Variants in PGLS observed in about 807,000 individuals in gnomAD.
PGLS encodes the protein epididymis secretory protein Li 304.
Under a neutral mutation model 23.2 loss-of-function variants are expected in PGLS, and 21 were observed. The ratio of observed to expected loss-of-function variants is 0.91; its 90% CI spans 0.64 to 1.31. PGLS has a LOEUF of 1.31. Among genes scored for constraint, PGLS ranks in the 50% most tolerant of loss-of-function variants. The pLI is 0.00. For missense variants in PGLS, 410 were observed against 354.0 expected (o/e 1.16, Z -1.27); for synonymous variants, 179 against 165.4 (o/e 1.08, Z -0.63).
intron 1 of PGLS, 173 bp downstream of exon 1, chr19:17,512,133 C>T (rs1381517267): frequency 1.6e-5 from 11 of 704,018 alleles, no homozygotes; most frequent in Non-Finnish European, 2.2e-5. Context: ...ACTGCCTGCA[C>T]CTCGGCTACG....
chr19:17,511,667 CT>C lies in PGLS; in HGVS notation c.-5del. 6.8e-7 allele frequency: 1 copy of C among 1,477,248 alleles called. No individual in the cohort carries two copies. The highest frequency in any genetic ancestry group is 8.9e-7 in the Non-Finnish European group (1 of 1,123,272). The allele number at this position is 1,477,248 out of a possible 1,614,324, so 91.5% of individuals were successfully genotyped here. A position where few individuals can be genotyped will look rare whatever the true frequency, so the allele number is the denominator to read the frequency against. ...GCGCTTCCTCCTCCCCGCCGCCGCC[CT>C]CGCCATGGCCGCGCCGGCCCCGGGC... On this transcript the variant is annotated 5_prime_UTR_variant, in exon 1 of 5. Transcript: ENST00000252603.
At chr19:17,516,658 C>T (rs909720345) in intron 2 of PGLS, among the ~76,000 whole-genome samples, 4 of 151,666 alleles carry the variant, frequency 2.6e-5, no homozygotes, top group African/African-American at 9.7e-5. Flanking sequence ...GATCATGGCT[C>T]ACTGCAAGCT....
In PGLS at chr19:17,513,832, T is replaced by G. The variant is rs75664063; in HGVS notation, c.288+1872T>G. On this transcript the variant is annotated intron_variant, in intron 1 of 4. Transcript: ENST00000252603. Reference sequence around the variant, plus strand: ...GACTCTGTCTCAAAATAAATAATTGTGAAATGCTGCAGAGTGCTAGGGAAT... The same window carrying G: ...GACTCTGTCTCAAAATAAATAATTGGGAAATGCTGCAGAGTGCTAGGGAAT... Among the ~76,000 whole-genome samples, 1,036 of 152,112 alleles carry G rather than the reference T, an allele frequency of 6.8e-3. 10 individuals carry two copies. The highest frequency in any genetic ancestry group is 0.023 in the African/African-American group (966 of 41,520).
At chr19:17,512,896 A>G (rs1424964802) in intron 1 of PGLS, 1 of 152,216 alleles carries the variant, frequency 6.6e-6, no homozygotes, top group African/African-American at 2.4e-5. Context: ...ATATGCATCA[A>G]TTCATGAGTC....
At position 17,521,060 on chromosome 19, in the gene PGLS, C is replaced by T. The variant is rs904954118; in HGVS notation, c.756C>T (p.Phe252=). The T allele has an allele frequency of 5.0e-6, 8 of 1,602,096 alleles. 1 individual carries two copies. The highest frequency in any genetic ancestry group is 1.7e-5 in the Admixed American group (1 of 59,326). ...CCGCCCGCCTCCTGACCGTGCCCTT[C>T]GAGAAGCATTCCACTTTGTAGCTGG... ...EAAARLLTVP[F]EKHSTL is the part of the protein sequence containing the mutation. Residue 252 remains phenylalanine, a synonymous_variant, in exon 5 of 5, where the codon TTC becomes TTT. Coordinates refer to ENST00000252603, the MANE Select transcript of PGLS (RefSeq NM_012088.3).
In PGLS at chr19:17,521,224, A is replaced by G. The variant is rs2144647857; in HGVS notation, c.*143A>G. On this transcript the variant is annotated 3_prime_UTR_variant, in exon 5 of 5. Coordinates refer to ENST00000252603, the MANE Select transcript of PGLS (RefSeq NM_012088.3). ...CCAACAGCCTCCGGCCAGCAGCCCT[A>G]CCCGGGGCTCAACACACAGGCTGTG... 3.8e-6 allele frequency: 3 copies of G among 792,970 alleles called. No homozygotes were observed. The highest frequency in any genetic ancestry group is 3.8e-5 in the South Asian group (2 of 52,892). 49.1% of individuals were successfully genotyped at this position (792,970 alleles called of 1,614,324 possible). A position where few individuals can be genotyped will look rare whatever the true frequency, so the allele number is the denominator to read the frequency against.
In PGLS at chr19:17,517,745, C is replaced by T; in HGVS notation, c.534C>T (p.Ser178=). 3 of 1,614,138 alleles carry T rather than the reference C, an allele frequency of 1.9e-6. No individual in the cohort carries two copies. The highest frequency in any genetic ancestry group is 2.5e-6 in the Non-Finnish European group (3 of 1,180,034). ...AGATTGTGGCTCCCATCAGTGACTC[C>T]CCGAAGCCACCGCCACAGCGTGTGA... ...REKIVAPISD[S]PKPPPQRVTL... The change falls in exon 4 of 5, where the codon TCC becomes TCT. Residue 178 remains serine, a synonymous_variant. Transcript: ENST00000252603.
chr19:17,521,059 T>G lies in PGLS; in HGVS notation c.755T>G (p.Phe252Cys). Residue 252 changes from phenylalanine to cysteine, a missense_variant, in exon 5 of 5, where the codon TTC becomes TGC. Physicochemically the swap from Phe to Cys is radical, Grantham distance 205. Transcript: ENST00000252603. Reference protein sequence around the residue: ...EAAARLLTVPFEKHSTL With the variant: ...EAAARLLTVPCEKHSTL ...GCCGCCCGCCTCCTGACCGTGCCCT[T>G]CGAGAAGCATTCCACTTTGTAGCTG... The G allele has an allele frequency of 6.2e-7, 1 of 1,602,140 alleles. No homozygotes were observed. Among genetic ancestry groups the G allele is most frequent in the Non-Finnish European group, 8.5e-7 (1 of 1,173,534 alleles).
chr19:17,520,959 C>G lies in PGLS; in HGVS notation c.655C>G (p.Gln219Glu). The G allele has an allele frequency of 1.3e-6, 2 of 1,597,956 alleles. No homozygotes were observed. The highest frequency in any genetic ancestry group is 1.7e-6 in the Non-Finnish European group (2 of 1,171,770). The change falls in exon 5 of 5, where the codon CAG (glutamine) becomes GAG (glutamate). Residue 219 changes from glutamine to glutamate, a missense_variant. Coordinates refer to ENST00000252603, the MANE Select transcript of PGLS (RefSeq NM_012088.3). Reference sequence around the variant, plus strand: ...TCTTCTTCAGCGCATTTTGGAGGACCAGGAGGAAAACCCGCTGCCCGCCGC... The same window carrying G: ...TCTTCTTCAGCGCATTTTGGAGGACGAGGAGGAAAACCCGCTGCCCGCCGC... ...AAVLKRILED[Q>E]EENPLPAALV...
intron 1 of PGLS, chr19:17,512,213 G>A (rs1169344873): frequency 6.0e-6 from 3 of 503,268 alleles, no homozygotes; most frequent in Admixed American, 4.0e-5. Flanking sequence ...GCCACTGGGG[G>A]TCATGCCGAG....
rs372031792 is a variant in PGLS, at chr19:17,516,718, G to A, written c.396+438G>A. Among the ~76,000 whole-genome samples the A allele has an allele frequency of 9.2e-5, 14 of 151,416 alleles. No individual in the cohort carries two copies. The East Asian group carries it at 9.8e-4, about 11-fold the overall frequency. ...TCCTGCCTCAGCCTCCTGAGTAGCT[G>A]GGACTACGGGTGCCCGCCACCACGC... On this transcript the variant is annotated intron_variant, in intron 2 of 4. Transcript: ENST00000252603.
intron 4 of PGLS, among the ~76,000 whole-genome samples, chr19:17,520,022 A>G (rs1441339451): frequency 2.6e-5 from 4 of 152,146 alleles, no homozygotes; most frequent in Admixed American, 2.6e-4. Flanking sequence ...GCACAGTGCC[A>G]TGTGCCTGTG....
At position 17,516,300 on chromosome 19, in the gene PGLS, C is replaced by T. The variant is rs772597098; in HGVS notation, c.396+20C>T. 8.7e-6 allele frequency: 14 copies of T among 1,608,064 alleles called. No homozygotes were observed. Among genetic ancestry groups the T allele is most frequent in the South Asian group, 4.4e-5 (4 of 90,238 alleles). On this transcript the variant is annotated intron_variant, in intron 2 of 4. Coordinates refer to ENST00000252603, the MANE Select transcript of PGLS (RefSeq NM_012088.3). ...AGACAGGTGAGCCCCGAGGAGCGGCCGCAAGGGAGTCACATCCACGAAGCG... is the reference window on the plus strand; with the variant it reads ...AGACAGGTGAGCCCCGAGGAGCGGCTGCAAGGGAGTCACATCCACGAAGCG...
At chr19:17,514,762 C>T (rs1023525166) in intron 1 of PGLS, among the ~76,000 whole-genome samples, 4 of 152,132 alleles carry the variant, frequency 2.6e-5, no homozygotes, top group Non-Finnish European at 5.9e-5. Flanking sequence ...AAGTGATTCT[C>T]CTGCCTCAGC....
At chr19:17,518,009 G>GAA (rs67260410) in intron 4 of PGLS, among the ~76,000 whole-genome samples, 159 bp downstream of exon 4, 1 of 136,146 alleles carries the variant, frequency 7.3e-6, no homozygotes, top group Non-Finnish European at 1.6e-5. Context: ...AGAAAAAAAG[G>GAA]AAAAAAAAAA....
rs1000048095 is a variant in PGLS at position 17,511,895 on chromosome 19, C to T, written c.223C>T (p.Leu75=). Residue 75 remains leucine, a synonymous_variant, in exon 1 of 5, where the codon CTG becomes TTG. Transcript: ENST00000252603. The part of the protein sequence containing the change: ...AGPASLARWT[L]GFCDERLVPF... Reference sequence around the variant, plus strand: ...GCCAGCTAGCTTAGCGCGCTGGACGCTGGGCTTCTGCGACGAGCGCCTCGT... The same window carrying T: ...GCCAGCTAGCTTAGCGCGCTGGACGTTGGGCTTCTGCGACGAGCGCCTCGT... The T allele has an allele frequency of 5.8e-6, 9 of 1,543,462 alleles. No individual in the cohort carries two copies. Among genetic ancestry groups the T allele is most frequent in the Middle Eastern group, 2.0e-4 (1 of 5,026 alleles).
At position 17,517,362 on chromosome 19, in the gene PGLS, A is replaced by G. The variant is rs766378553; in HGVS notation, c.471A>G (p.Ser157=). The change falls in exon 3 of 5, where the codon TCA becomes TCG. Residue 157 remains serine, a synonymous_variant. Coordinates refer to ENST00000252603, the MANE Select transcript of PGLS (RefSeq NM_012088.3). ...LGVGPDGHTC[S]LFPDHPLLQE... ...TGGGCCCCGATGGTCACACCTGCTC[A>G]CTCTTCCCAGACCACCCCCTCCTAC... The G allele has an allele frequency of 6.2e-7, 1 of 1,612,960 alleles. No homozygotes were observed. Among genetic ancestry groups the G allele is most frequent in the Non-Finnish European group, 8.5e-7 (1 of 1,179,600 alleles).
chr19:17,519,700 C>T (rs947158893), intron 4 of PGLS, among the ~76,000 whole-genome samples: 2 of 152,118 alleles, frequency 1.3e-5, no homozygotes, highest in African/African-American at 4.8e-5. Flanking sequence ...GCACCCGGCC[C>T]AGAAAAGTTT....
At chr19:17,512,067 C>A in intron 1 of PGLS, 107 bp downstream of exon 1, 1 of 1,179,846 alleles carries the variant, frequency 8.5e-7, no homozygotes, top group Non-Finnish European at 1.1e-6. Context: ...GCCGCGCCCA[C>A]TGTCTGCACC....
Sources: allele counts gnomAD v4.1 joint callset (sites outside exome capture counted in the v4.1 genomes callset), GRCh38; gene constraint gnomAD v4.1.1; transcripts MANE v1.5; gene names NCBI Gene and HGNC (gene_info 2026-07-23, HGNC 2026-07-21).